RHBDL2: variants seen among roughly 807,000 people sequenced by gnomAD.
RHBDL2 encodes the protein rhomboid like 2.
In RHBDL2, 26 loss-of-function variants were observed where a neutral mutation model predicts 31.7. The ratio of observed to expected loss-of-function variants is 0.82; its 90% CI spans 0.60 to 1.14. The LOEUF (loss-of-function observed/expected upper bound fraction) is 1.14. Ranked by LOEUF, RHBDL2 falls within the 50% of genes most tolerant of loss-of-function variation. The pLI, the probability that RHBDL2 is intolerant of heterozygous loss-of-function variation, is 0.00. For synonymous variants in RHBDL2, 123 were observed against 127.2 expected (o/e 0.97, Z 0.22); for missense variants, 336 against 364.4 (o/e 0.92, Z 0.63).
chr1:38,925,516 CAA>C (rs796466193), intron 1 of RHBDL2, among the ~76,000 whole-genome samples: 11 of 125,914 alleles, frequency 8.7e-5, no homozygotes, highest in Admixed American at 8.2e-5. Context: ...GATTCTGTCT[CAA>C]AAAAAAAAAA....
intron 1 of RHBDL2, among the ~76,000 whole-genome samples, chr1:38,937,293 G>C (rs1179729405): frequency 1.3e-5 from 2 of 152,098 alleles, no homozygotes; most frequent in Admixed American, 6.6e-5. Context: ...GTCTGTAGTA[G>C]AGGCACAGCA....
chr1:38,936,501 G>GT (rs71278734), intron 1 of RHBDL2, among the ~76,000 whole-genome samples: 23,255 of 125,480 alleles, frequency 0.19, 3,216 homozygotes, highest in African/African-American at 0.38. Flanking sequence ...TGCTTTTTGG[G>GT]TTTTTTTTTT....
chr1:38,922,321 A>G (rs12027121), intron 1 of RHBDL2, among the ~76,000 whole-genome samples: 115,023 of 121,876 alleles, frequency 0.94, 54,396 homozygotes, highest in African/African-American at 0.95. Context: ...AGGCTGGAGT[A>G]CAGTGGCAGG....
intron 1 of RHBDL2, chr1:38,926,922 T>G (rs1643384127): frequency 6.6e-6 from 1 of 152,262 alleles, no homozygotes; most frequent in African/African-American, 2.4e-5. Flanking sequence ...CAGAGAAGAT[T>G]AACATGGTCT....
chr1:38,912,963 C>CATGTGT (rs1553159170), intron 3 of RHBDL2, among the ~76,000 whole-genome samples: 4 of 112,272 alleles, frequency 3.6e-5, no homozygotes, highest in East Asian at 2.6e-4. Context: ...TACATATACA[C>CATGTGT]GTGTGTGTGT....
intron 3 of RHBDL2, among the ~76,000 whole-genome samples, chr1:38,911,741 G>A (rs1417034209): frequency 6.6e-6 from 1 of 151,996 alleles, no homozygotes; most frequent in Non-Finnish European, 1.5e-5. Context: ...AAGGGTTCAA[G>A]TAATTCTCAT....
chr1:38,901,982 GACAA>G (rs1642996608), intron 4 of RHBDL2, among the ~76,000 whole-genome samples: 1 of 151,440 alleles, frequency 6.6e-6, no homozygotes, highest in Non-Finnish European at 1.5e-5. Context: ...AAAATCAGAA[GACAA>G]ACAACACAAT....
intron 4 of RHBDL2, among the ~76,000 whole-genome samples, chr1:38,903,582 A>C (rs1643022446): frequency 6.6e-6 from 1 of 152,244 alleles, no homozygotes; most frequent in Non-Finnish European, 1.5e-5. Flanking sequence ...AAAGACCTAA[A>C]TACACAGAAA....
At chr1:38,908,536 A>G (rs1018453639) in intron 4 of RHBDL2, among the ~76,000 whole-genome samples, 1 of 150,936 alleles carries the variant, frequency 6.6e-6, no homozygotes, top group African/African-American at 2.4e-5. Context: ...AAAAAAAAAA[A>G]ACCATGATCA....
chr1:38,940,452 C>T (rs1643549050), intron 1 of RHBDL2, among the ~76,000 whole-genome samples: 1 of 152,138 alleles, frequency 6.6e-6, no homozygotes, highest in African/African-American at 2.4e-5. Flanking sequence ...AGGAATCCTC[C>T]CGCCTCGGCC....
At chr1:38,891,715 A>G (rs757802695) in intron 6 of RHBDL2, among the ~76,000 whole-genome samples, 1 of 152,268 alleles carries the variant, frequency 6.6e-6, no homozygotes, top group Non-Finnish European at 1.5e-5. Flanking sequence ...TTATATTTAA[A>G]TGGTCAATAA....
At chr1:38,929,708 G>T in intron 1 of RHBDL2, 1 of 372,432 alleles carries the variant, frequency 2.7e-6, no homozygotes, top group Non-Finnish European at 3.7e-6. Flanking sequence ...TTTCGGTGGT[G>T]TTGCTAGGCG....
chr1:38,933,901 G>A (rs145105330), intron 1 of RHBDL2, among the ~76,000 whole-genome samples: 5,618 of 151,992 alleles, frequency 0.037, 340 homozygotes, highest in African/African-American at 0.12. Flanking sequence ...GCTAATTTTT[G>A]TATTTTTAGT....
At chr1:38,930,397 G>A (rs1355009800) in intron 1 of RHBDL2, among the ~76,000 whole-genome samples, 4 of 152,206 alleles carry the variant, frequency 2.6e-5, no homozygotes, top group African/African-American at 9.6e-5. Flanking sequence ...CAGCAAAGCT[G>A]GGGCACAAAC....
intron 4 of RHBDL2, among the ~76,000 whole-genome samples, chr1:38,906,347 C>A (rs1643067366): frequency 5.9e-5 from 9 of 152,084 alleles, no homozygotes; most frequent in Admixed American, 5.9e-4. Flanking sequence ...AACCCTACTA[C>A]TAAGTGAGTT....
At chr1:38,894,707 CT>C (rs71057159) in intron 5 of RHBDL2, among the ~76,000 whole-genome samples, 42,932 of 114,214 alleles carry the variant, frequency 0.38, 7,087 homozygotes, top group Middle Eastern at 0.49. Context: ...CTTTTTTTTT[CT>C]TTTTTTTTTT....
chr1:38,888,167 T>C, intron 6 of RHBDL2, 143 bp from the exon 7 acceptor site: 1 of 599,256 alleles, frequency 1.7e-6, no homozygotes, highest in Non-Finnish European at 3.0e-6. Context: ...AAGAGATCTT[T>C]TAACTCATTA....
intron 4 of RHBDL2, among the ~76,000 whole-genome samples, chr1:38,899,688 G>A (rs146970509): frequency 1.3e-5 from 2 of 152,320 alleles, no homozygotes; most frequent in Non-Finnish European, 2.9e-5. Context: ...AGAGAAAAGT[G>A]AGCTTTGTCC....
chr1:38,890,039 CTTT>C (rs767253851), intron 6 of RHBDL2, among the ~76,000 whole-genome samples: 1 of 138,386 alleles, frequency 7.2e-6, no homozygotes, highest in Non-Finnish European at 1.6e-5. Context: ...ATAATATTTT[CTTT>C]TTTTTTTTTT....
Sources: allele counts gnomAD v4.1 joint callset (sites outside exome capture counted in the v4.1 genomes callset), GRCh38; gene constraint gnomAD v4.1.1; transcripts MANE v1.5; gene names NCBI Gene and HGNC (gene_info 2026-07-23, HGNC 2026-07-21).